LEMD1: variants seen among roughly 807,000 people sequenced by gnomAD.
LEMD1 encodes LEM domain-containing protein 1.
LEMD1 carries 18 observed loss-of-function variants against 17.4 expected under a neutral mutation model. The ratio of observed to expected loss-of-function variants is 1.04; its 90% CI spans 0.72 to 1.54. The LOEUF (loss-of-function observed/expected upper bound fraction) is 1.54. Among genes scored for constraint, LEMD1 ranks in the 40% most tolerant of loss-of-function variants. The pLI is 0.00. For synonymous variants in LEMD1, 88 were observed against 77.8 expected (o/e 1.13, Z -0.69); for missense variants, 195 against 210.4 (o/e 0.93, Z 0.45).
At chr1:205,425,819 A>G (rs979868679), upstream of LEMD1, among the ~76,000 whole-genome samples, 1 of 152,262 alleles carries the variant, frequency 6.6e-6, no homozygotes, top group African/African-American at 2.4e-5. Flanking sequence ...TAAACATAAT[A>G]GCAAATATGC....
chr1:205,392,295 G>T (rs950695978), intron 4 of LEMD1, among the ~76,000 whole-genome samples: 4 of 152,158 alleles, frequency 2.6e-5, no homozygotes, highest in Non-Finnish European at 5.9e-5. Context: ...TCTTTGCAGA[G>T]AAGTAGAATA....
At chr1:205,444,443 C>A (rs1374462970) in intron 1 of LEMD1, among the ~76,000 whole-genome samples, 2 of 152,120 alleles carry the variant, frequency 1.3e-5, no homozygotes, top group Non-Finnish European at 2.9e-5. Context: ...TCCTCCCCCA[C>A]CACTAGGAGG....
intron 4 of LEMD1, among the ~76,000 whole-genome samples, chr1:205,398,076 A>G (rs999181002): frequency 1.3e-5 from 2 of 152,224 alleles, no homozygotes; most frequent in Non-Finnish European, 2.9e-5. Context: ...CAGGAGGTCA[A>G]TATTTTTACA....
intron 4 of LEMD1, among the ~76,000 whole-genome samples, chr1:205,387,729 C>T (rs1365784484): frequency 6.6e-6 from 1 of 152,172 alleles, no homozygotes; most frequent in African/African-American, 2.4e-5. Flanking sequence ...ACCCTCTTTG[C>T]TATACCTCGG....
intron 1 of LEMD1, chr1:205,437,428 C>T (rs1239702530): frequency 6.6e-6 from 1 of 152,320 alleles, no homozygotes. Context: ...GGCCAACTGA[C>T]TTACTCCCCT....
At chr1:205,447,306 G>A (rs1018277856) in intron 1 of LEMD1, among the ~76,000 whole-genome samples, 2 of 152,238 alleles carry the variant, frequency 1.3e-5, no homozygotes, top group African/African-American at 4.8e-5. Flanking sequence ...GTTAGTGCAG[G>A]TGAGGCGGTT....
upstream of LEMD1, among the ~76,000 whole-genome samples, chr1:205,424,429 A>T (rs1483854530): frequency 6.6e-6 from 1 of 152,210 alleles, no homozygotes; most frequent in African/African-American, 2.4e-5. Context: ...TTCAAAAATT[A>T]TTTGTTGATC....
intron 4 of LEMD1, among the ~76,000 whole-genome samples, chr1:205,406,304 C>T (rs578032818): frequency 0.3 from 45,714 of 151,414 alleles, 6,871 homozygotes; most frequent in African/African-American, 0.38. Context: ...GCCCTGCCCC[C>T]AGAGGTGGAG....
intron 1 of LEMD1, among the ~76,000 whole-genome samples, chr1:205,421,297 C>T (rs1665949940): frequency 1.3e-5 from 2 of 152,222 alleles, no homozygotes; most frequent in South Asian, 4.2e-4. Context: ...ACCCTTCTAC[C>T]TACATAACAA....
At chr1:205,392,344 C>T (rs912110875) in intron 4 of LEMD1, among the ~76,000 whole-genome samples, 1 of 151,530 alleles carries the variant, frequency 6.6e-6, no homozygotes, top group African/African-American at 2.4e-5. Flanking sequence ...GAACTGACAG[C>T]CTGCGCAGCA....
rs764523064 is a variant in LEMD1 at position 205,419,313 on chromosome 1, A to G, written c.122T>C (p.Leu41Ser). ...TGGTGCACAGGGAGGTGAGACCAAC[A>G]ACTGTACTAACTTTTTTTCATACAA... The part of the protein sequence containing the change: ...RKLYEKKLVQ[L>S]LVSPPCAPPV... The change falls in exon 3 of 6, where the codon TTG (leucine) becomes TCG (serine). Residue 41 changes from leucine (L) to serine (S), a missense_variant. Transcript: ENST00000367153. The G allele has an allele frequency of 6.2e-7, 1 of 1,614,148 alleles. No individual in the cohort carries two copies. The highest frequency in any genetic ancestry group is 1.1e-5 in the South Asian group (1 of 91,076).
intron 4 of LEMD1, among the ~76,000 whole-genome samples, chr1:205,409,406 T>C (rs1041566111): frequency 1.3e-5 from 2 of 152,230 alleles, no homozygotes; most frequent in African/African-American, 4.8e-5. Context: ...ATAGCTCTTA[T>C]TTGTACTTGC....
chr1:205,393,793 T>A (rs1180538770), intron 4 of LEMD1, among the ~76,000 whole-genome samples: 1 of 151,806 alleles, frequency 6.6e-6, no homozygotes, highest in Non-Finnish European at 1.5e-5. Context: ...GTTTGGTACT[T>A]TCTCCGAAAG....
At chr1:205,405,206 T>G (rs2102396683) in intron 4 of LEMD1, among the ~76,000 whole-genome samples, 1 of 151,930 alleles carries the variant, frequency 6.6e-6, no homozygotes, top group Non-Finnish European at 1.5e-5. Flanking sequence ...TCGAGGAGTA[T>G]CTTTGTGGCG....
At chr1:205,423,835 G>A (rs923161830), upstream of LEMD1, among the ~76,000 whole-genome samples, 5 of 152,064 alleles carry the variant, frequency 3.3e-5, no homozygotes, top group African/African-American at 1.2e-4. Flanking sequence ...TCCATTTCTT[G>A]AGGGAAGCAA....
At chr1:205,446,686 G>A (rs1345984224) in intron 1 of LEMD1, among the ~76,000 whole-genome samples, 1 of 152,200 alleles carries the variant, frequency 6.6e-6, no homozygotes, top group East Asian at 1.9e-4. Context: ...GCAGGGTAGG[G>A]AACAGGATAG....
chr1:205,427,517 G>A (rs1558739472), intron 1 of LEMD1, among the ~76,000 whole-genome samples: 1 of 152,138 alleles, frequency 6.6e-6, no homozygotes, highest in Admixed American at 6.5e-5. Flanking sequence ...GACAGAGAGA[G>A]AGACAGACAG....
At chr1:205,389,008 T>G (rs1664188424) in intron 4 of LEMD1, among the ~76,000 whole-genome samples, 1 of 148,916 alleles carries the variant, frequency 6.7e-6, no homozygotes, top group Non-Finnish European at 1.5e-5. Flanking sequence ...TGTATTCTCA[T>G]TAAAATCACC....
chr1:205,444,788 A>T (rs1348072363), intron 1 of LEMD1, among the ~76,000 whole-genome samples: 4 of 151,998 alleles, frequency 2.6e-5, no homozygotes, highest in Non-Finnish European at 4.4e-5. Flanking sequence ...ATTCTCTGAT[A>T]AACAAGAAGA....
Sources: allele counts gnomAD v4.1 joint callset (sites outside exome capture counted in the v4.1 genomes callset), GRCh38; gene constraint gnomAD v4.1.1; transcripts MANE v1.5; gene names NCBI Gene and HGNC (gene_info 2026-07-23, HGNC 2026-07-21).